Variants in MARCHF6 observed in about 807,000 individuals in gnomAD.
The protein encoded by MARCHF6 is E3 ubiquitin-protein ligase MARCHF6.
A neutral mutation model predicts 133.7 loss-of-function variants in MARCHF6; 31 were observed. That is an observed-to-expected ratio of 0.23 (90% CI 0.17 to 0.31). MARCHF6 has a LOEUF of 0.31. Ranked by LOEUF, MARCHF6 falls within the 10% of genes least tolerant of loss-of-function variation. The pLI is 1.00. For missense variants in MARCHF6, 723 were observed against 1,121.6 expected, an observed-to-expected ratio of 0.64 and a Z score of 5.08; for synonymous variants, 395 against 402.5, an observed-to-expected ratio of 0.98 and a Z score of 0.22.
At chr5:10,391,981 C>CT (rs1221428163) in intron 7 of MARCHF6, among the ~76,000 whole-genome samples, 2 of 142,416 alleles carry the variant, frequency 1.4e-5, no homozygotes, top group Admixed American at 1.4e-4. Context: ...TTTTGGGAGA[C>CT]TGAGTCTCGC....
chr5:10,381,782 C>T lies in MARCHF6; in HGVS notation c.191-18C>T. The T allele has an allele frequency of 6.4e-7, 1 of 1,563,920 alleles. No individual in the cohort carries two copies. The highest frequency in any genetic ancestry group is 8.6e-7 in the Non-Finnish European group (1 of 1,158,228). The stretch of plus-strand genomic sequence containing the variant: ...TCGAATCTTCATGAAACTGTAAGTA[C>T]TTTTTTTCCGCTTATAGTTTATTCT... On this transcript the variant is annotated intron_variant, in intron 3 of 25. Transcript: ENST00000274140.
intron 19 of MARCHF6, among the ~76,000 whole-genome samples, chr5:10,412,710 G>A (rs1579602624): frequency 1.3e-5 from 2 of 151,948 alleles, no homozygotes; most frequent in African/African-American, 4.8e-5. Context: ...CGATTAGCTG[G>A]GACCATGGGT....
intron 10 of MARCHF6, among the ~76,000 whole-genome samples, chr5:10,398,093 T>C (rs1466023320): frequency 2.0e-5 from 3 of 151,816 alleles, no homozygotes; most frequent in African/African-American, 7.2e-5. Context: ...TCCTATGATT[T>C]GTGTCTCAGA....
chr5:10,426,302 G>A (rs1740082846), intron 23 of MARCHF6, 88 bp from the exon 24 acceptor site: 1 of 1,444,520 alleles, frequency 6.9e-7, no homozygotes, highest in East Asian at 2.3e-5. Flanking sequence ...TTTTTGGGTT[G>A]GCAGATTCAG....
chr5:10,388,487 C>T (rs1353522998), intron 5 of MARCHF6, among the ~76,000 whole-genome samples: 1 of 152,120 alleles, frequency 6.6e-6, no homozygotes. Flanking sequence ...CAAACTGTCC[C>T]AAACCTTAGT....
At chr5:10,387,460 G>A (rs1484385472) in intron 5 of MARCHF6, among the ~76,000 whole-genome samples, 3 of 151,938 alleles carry the variant, frequency 2.0e-5, no homozygotes, top group Non-Finnish European at 2.9e-5. Flanking sequence ...TCGCCAGCAT[G>A]CCTGGCTAAT....
intron 16 of MARCHF6, among the ~76,000 whole-genome samples, chr5:10,405,878 TA>T (rs1393521747): frequency 6.6e-6 from 1 of 152,206 alleles, no homozygotes; most frequent in East Asian, 1.9e-4. Context: ...AGATATTTAC[TA>T]AAAGGAAGAT....
At chr5:10,422,372 C>T (rs1420897052) in intron 22 of MARCHF6, among the ~76,000 whole-genome samples, 1 of 152,104 alleles carries the variant, frequency 6.6e-6, no homozygotes, top group Non-Finnish European at 1.5e-5. Flanking sequence ...AGATCTGATT[C>T]TGTAGTTTGA....
chr5:10,394,056 T>C, intron 7 of MARCHF6, 26 bp from the exon 8 acceptor site: 1 of 1,374,350 alleles, frequency 7.3e-7, no homozygotes, highest in East Asian at 2.4e-5. Context: ...CTTCAAGTAA[T>C]CTTTAAATTG....
At chr5:10,374,011 A>G (rs1039368153) in intron 1 of MARCHF6, among the ~76,000 whole-genome samples, 2 of 150,820 alleles carry the variant, frequency 1.3e-5, no homozygotes, top group Non-Finnish European at 2.9e-5. Flanking sequence ...TGTCACTCTT[A>G]GGTGGCAGTT....
chr5:10,375,589 C>T (rs1320308268), intron 1 of MARCHF6, among the ~76,000 whole-genome samples: 7 of 152,356 alleles, frequency 4.6e-5, no homozygotes, highest in Admixed American at 6.5e-5. Context: ...AGCCCGGGTG[C>T]GGGATCCACT....
chr5:10,431,626 AGTGTGTGT>A (rs10574367), intron 25 of MARCHF6, among the ~76,000 whole-genome samples: 58 of 148,384 alleles, frequency 3.9e-4, no homozygotes, highest in Non-Finnish European at 6.3e-4. Context: ...AGAGTGAGTG[AGTGTGTGT>A]GTGTGTGTGT....
chr5:10,414,370 C>T (rs370359002), intron 19 of MARCHF6, 63 bp from the exon 20 acceptor site: 17 of 912,174 alleles, frequency 1.9e-5, no homozygotes, highest in African/African-American at 3.3e-5. Context: ...TGTGTTGATT[C>T]TTTGATAAAA....
At chr5:10,365,671 C>T (rs1269567461) in intron 1 of MARCHF6, among the ~76,000 whole-genome samples, 2 of 152,132 alleles carry the variant, frequency 1.3e-5, no homozygotes, top group Non-Finnish European at 2.9e-5. Context: ...TACGCTCACC[C>T]TCAAAAAGGA....
chr5:10,374,216 A>G (rs1365844796), intron 1 of MARCHF6, among the ~76,000 whole-genome samples: 2 of 152,214 alleles, frequency 1.3e-5, no homozygotes, highest in Non-Finnish European at 2.9e-5. Context: ...TGTAGTTGGA[A>G]AGAGTCCAGT....
intron 9 of MARCHF6, among the ~76,000 whole-genome samples, chr5:10,395,501 G>A (rs1738137495): frequency 6.6e-6 from 1 of 152,214 alleles, no homozygotes; most frequent in South Asian, 2.1e-4. Flanking sequence ...TGCCATATTA[G>A]TAAAGATTGC....
intron 20 of MARCHF6, among the ~76,000 whole-genome samples, chr5:10,415,198 C>A (rs1739438472): frequency 6.6e-6 from 1 of 152,100 alleles, no homozygotes; most frequent in South Asian, 2.1e-4. Context: ...AACATTAATT[C>A]CCTCAAAAGC....
intron 5 of MARCHF6, among the ~76,000 whole-genome samples, chr5:10,387,560 C>T (rs1010920748): frequency 5.3e-5 from 8 of 152,190 alleles, no homozygotes; most frequent in Non-Finnish European, 1.2e-4. Context: ...GCTTCGGGCT[C>T]CCAAAGTGCT....
intron 1 of MARCHF6, among the ~76,000 whole-genome samples, chr5:10,359,376 CTTAA>C (rs1735670462): frequency 6.6e-6 from 1 of 151,996 alleles, no homozygotes; most frequent in African/African-American, 2.4e-5. Context: ...TTCTGATTTT[CTTAA>C]TTTTTTTCTC....
Sources: gnomAD v4.1 joint callset for allele counts (sites outside exome capture counted in the v4.1 genomes callset) on GRCh38, gnomAD v4.1.1 for gene constraint, MANE v1.5 for transcripts, NCBI Gene and HGNC (gene_info 2026-07-23, HGNC 2026-07-21) for gene names.